TACR1: variants seen among roughly 807,000 people sequenced by gnomAD.
TACR1 encodes the protein tachykinin receptor 1.
Under a neutral mutation model 35.8 loss-of-function variants are expected in TACR1, and 25 were observed. The ratio of observed to expected loss-of-function variants is 0.70; its 90% CI spans 0.51 to 0.98. The LOEUF is 0.98. Ranked by LOEUF, TACR1 falls within the 50% of genes least tolerant of loss-of-function variation. TACR1 has a pLI of 0.00. For synonymous variants in TACR1, 195 were observed against 206.7 expected (o/e 0.94, Z 0.48); for missense variants, 478 against 522.9 (o/e 0.91, Z 0.84).
chr2:75,140,878 T>G (rs73935568), intron 1 of TACR1, among the ~76,000 whole-genome samples: 12,556 of 152,194 alleles, frequency 0.083, 1,090 homozygotes, highest in African/African-American at 0.22. Context: ...AACTCCCAGT[T>G]TAACAGTCTT....
chr2:75,070,213 GTATGTA>G (rs1369243078), intron 2 of TACR1, among the ~76,000 whole-genome samples: 13 of 133,518 alleles, frequency 9.7e-5, no homozygotes, highest in African/African-American at 2.3e-4. Flanking sequence ...CCCCAACATT[GTATGTA>G]TGTGTGTGTG....
chr2:75,049,849 C>G (rs1331029835), intron 4 of TACR1, 126 bp from the exon 5 acceptor site: 1 of 1,165,326 alleles, frequency 8.6e-7, no homozygotes, highest in African/African-American at 1.6e-5. Context: ...TTTTAAAATT[C>G]AATGACAGCT....
chr2:75,082,895 A>G (rs570839130), intron 2 of TACR1, among the ~76,000 whole-genome samples: 188 of 152,162 alleles, frequency 1.2e-3, no homozygotes, highest in African/African-American at 4.3e-3. Context: ...CTCTGATGGT[A>G]GTTTCTTTTG....
At chr2:75,155,467 A>G (rs955678160) in intron 1 of TACR1, among the ~76,000 whole-genome samples, 2 of 151,070 alleles carry the variant, frequency 1.3e-5, no homozygotes, top group African/African-American at 2.5e-5. Flanking sequence ...AATGTCCACA[A>G]GTGCCTCACA....
At chr2:75,049,764 C>G (rs1156327467) in intron 4 of TACR1, 41 bp from the exon 5 acceptor site, 4 of 1,585,342 alleles carry the variant, frequency 2.5e-6, no homozygotes, top group Non-Finnish European at 3.4e-6. Flanking sequence ...TTTGGGACGG[C>G]CTGCTCAGAG....
chr2:75,172,977 A>C (rs1009147332), intron 1 of TACR1, among the ~76,000 whole-genome samples: 2 of 151,998 alleles, frequency 1.3e-5, no homozygotes, highest in African/African-American at 4.8e-5. Flanking sequence ...GCCTACCCTA[A>C]TGATCTCATT....
intron 1 of TACR1, among the ~76,000 whole-genome samples, chr2:75,141,420 G>A (rs1674400080): frequency 6.6e-6 from 1 of 152,128 alleles, no homozygotes; most frequent in African/African-American, 2.4e-5. Context: ...AAAGCTCAAA[G>A]CTGCCATGCA....
intron 1 of TACR1, among the ~76,000 whole-genome samples, chr2:75,192,426 T>C (rs1327482010): frequency 2.0e-5 from 3 of 152,218 alleles, no homozygotes; most frequent in African/African-American, 7.2e-5. Flanking sequence ...GATTTAATAA[T>C]TTATTGAATT....
chr2:75,080,646 T>C (rs1338538943), intron 2 of TACR1, among the ~76,000 whole-genome samples: 1 of 152,220 alleles, frequency 6.6e-6, no homozygotes, highest in African/African-American at 2.4e-5. Flanking sequence ...AGCTCTTCTA[T>C]TCACCAATCT....
chr2:75,186,779 G>A (rs753371395), intron 1 of TACR1: 1 of 152,102 alleles, frequency 6.6e-6, no homozygotes, highest in Non-Finnish European at 1.5e-5. Flanking sequence ...CTCATCAACT[G>A]TTTTATATAC....
At chr2:75,061,751 G>T (rs1185280496) in intron 2 of TACR1, among the ~76,000 whole-genome samples, 1 of 152,174 alleles carries the variant, frequency 6.6e-6, no homozygotes, top group African/African-American at 2.4e-5. Context: ...GGCGTCACAG[G>T]ATCCCCATGC....
At chr2:75,077,181 G>A (rs1456459001) in intron 2 of TACR1, among the ~76,000 whole-genome samples, 2 of 152,144 alleles carry the variant, frequency 1.3e-5, no homozygotes, top group East Asian at 3.9e-4. Context: ...TGTTGGTCAG[G>A]CTGGTCTCGA....
At chr2:75,160,759 T>G in intron 1 of TACR1, among the ~76,000 whole-genome samples, 1 of 49,096 alleles carries the variant, frequency 2.0e-5, no homozygotes, top group African/African-American at 5.6e-5. Flanking sequence ...ACAGAAGTAA[T>G]GATTTAAGAC....
intron 2 of TACR1, among the ~76,000 whole-genome samples, chr2:75,067,629 G>C (rs1672789278): frequency 6.6e-6 from 1 of 152,154 alleles, no homozygotes; most frequent in Non-Finnish European, 1.5e-5. Flanking sequence ...GAGTACCAGG[G>C]GTGTCCACAC....
chr2:75,169,887 G>A (rs374910049), intron 1 of TACR1, among the ~76,000 whole-genome samples: 26 of 152,024 alleles, frequency 1.7e-4, no homozygotes, highest in African/African-American at 6.0e-4. Flanking sequence ...TTTCGTCTCT[G>A]TTCTAGAGCT....
chr2:75,091,515 T>C (rs1206171952), intron 2 of TACR1, among the ~76,000 whole-genome samples: 2 of 152,146 alleles, frequency 1.3e-5, no homozygotes, highest in African/African-American at 4.8e-5. Context: ...ATAATACCCA[T>C]TTTAAAGATG....
At chr2:75,183,962 C>T (rs760435919) in intron 1 of TACR1, among the ~76,000 whole-genome samples, 19 of 152,144 alleles carry the variant, frequency 1.2e-4, no homozygotes, top group Admixed American at 1.2e-3. Context: ...CACTGAAGTT[C>T]GCTTATTTCA....
intron 1 of TACR1, among the ~76,000 whole-genome samples, chr2:75,139,513 G>A (rs1179432343): frequency 3.3e-5 from 5 of 152,336 alleles, no homozygotes; most frequent in South Asian, 4.1e-4. Context: ...GGTCAGCTCC[G>A]TTGGAACACG....
rs148746716 is a variant in TACR1 at position 75,062,190 on chromosome 2, G to A, written c.585-8435C>T. Among the ~76,000 whole-genome samples, 208 of 152,142 alleles carry A rather than the reference G, an allele frequency of 1.4e-3. 1 individual carries two copies. The highest frequency in any genetic ancestry group is 4.7e-3 in the African/African-American group (195 of 41,508). ...ATGAGAGCCTTCAGGCAAAGAGCCCGAGTGCCTGAGCTTTTCTTACCTCTT... is the reference window on the plus strand; with the variant it reads ...ATGAGAGCCTTCAGGCAAAGAGCCCAAGTGCCTGAGCTTTTCTTACCTCTT... On this transcript the variant is annotated intron_variant, in intron 2 of 4. Transcript: ENST00000305249.
Sources: allele counts gnomAD v4.1 joint callset (sites outside exome capture counted in the v4.1 genomes callset), GRCh38; gene constraint gnomAD v4.1.1; transcripts MANE v1.5; gene names NCBI Gene and HGNC (gene_info 2026-07-23, HGNC 2026-07-21).